The following ITGBL1 variants were observed in gnomAD, a reference collection of about 807,000 sequenced individuals.
ITGBL1 encodes integrin beta-like protein 1.
Under a neutral mutation model 68.5 loss-of-function variants are expected in ITGBL1, and 51 were observed. That is an observed-to-expected ratio of 0.74 (90% confidence interval 0.59 to 0.94). ITGBL1 has a LOEUF of 0.94. ITGBL1 is among the 40% of genes least tolerant of loss of function. ITGBL1 has a pLI of 0.00. For missense variants in ITGBL1, 649 were observed against 647.4 expected (o/e 1.00, Z -0.03); for synonymous variants, 209 against 227.3 (o/e 0.92, Z 0.72).
At chr13:101,656,507 C>T (rs1402413088) in intron 7 of ITGBL1, among the ~76,000 whole-genome samples, 1 of 152,068 alleles carries the variant, frequency 6.6e-6, no homozygotes, top group South Asian at 2.1e-4. Context: ...AAATAAAATC[C>T]ATCTGATGAG....
intron 7 of ITGBL1, among the ~76,000 whole-genome samples, chr13:101,663,981 A>T (rs1041495458): frequency 6.6e-6 from 1 of 152,220 alleles, no homozygotes; most frequent in Admixed American, 6.6e-5. Context: ...TGTCATAATA[A>T]TCTCAAAATG....
intron 2 of ITGBL1, among the ~76,000 whole-genome samples, chr13:101,486,674 C>T (rs943054586): frequency 6.6e-6 from 1 of 152,130 alleles, no homozygotes; most frequent in Non-Finnish European, 1.5e-5. Flanking sequence ...GTCTAGACCT[C>T]TTGCAGCTTT....
At chr13:101,531,611 G>A (rs571911127) in intron 2 of ITGBL1, among the ~76,000 whole-genome samples, 1 of 124,078 alleles carries the variant, frequency 8.1e-6, no homozygotes, top group Non-Finnish European at 1.8e-5. Flanking sequence ...GTATTTTTTG[G>A]GGGGAGGGGA....
At chr13:101,535,769 C>T (rs933485457) in intron 2 of ITGBL1, among the ~76,000 whole-genome samples, 1 of 151,962 alleles carries the variant, frequency 6.6e-6, no homozygotes, top group South Asian at 2.1e-4. Context: ...AAAACTTTTG[C>T]GAAGAGTCTG....
intron 3 of ITGBL1, among the ~76,000 whole-genome samples, chr13:101,574,298 G>T (rs1297807626): frequency 6.6e-6 from 1 of 151,616 alleles, no homozygotes; most frequent in East Asian, 1.9e-4. Context: ...TTATTGCAGA[G>T]CCTGTGCTAT....
In ITGBL1 at chr13:101,583,250, T is replaced by G; in HGVS notation, c.762T>G (p.Asp254Glu). The stretch of plus-strand genomic sequence containing the variant: ...TATGTGGTGAATGTACCTGTCACGA[T>G]GTTGATCCGACTGGGGACTGGGGAG... ...TCVCGECTCH[D>E]VDPTGDWGDI... is the part of the protein sequence containing the mutation. Residue 254 changes from aspartate (D) to glutamate (E), a missense_variant, in exon 6 of 11, where the codon GAT (aspartate) becomes GAG (glutamate). Coordinates refer to ENST00000376180, the MANE Select transcript of ITGBL1 (RefSeq NM_004791.3). 1 of 1,613,798 alleles carries G rather than the reference T, an allele frequency of 6.2e-7. No homozygotes were observed. Among genetic ancestry groups the G allele is most frequent in the Non-Finnish European group, 8.5e-7 (1 of 1,179,788 alleles).
intron 8 of ITGBL1, among the ~76,000 whole-genome samples, chr13:101,693,663 T>TA (rs2033935176): frequency 6.7e-6 from 1 of 149,220 alleles, no homozygotes; most frequent in African/African-American, 2.5e-5. Context: ...TCTATCTATC[T>TA]ATCATCTATT....
At chr13:101,699,289 C>T (rs904494229) in intron 8 of ITGBL1, among the ~76,000 whole-genome samples, 2 of 152,146 alleles carry the variant, frequency 1.3e-5, no homozygotes, top group South Asian at 4.2e-4. Flanking sequence ...GATGGTGAGG[C>T]GACTGCCTGA....
intron 2 of ITGBL1, among the ~76,000 whole-genome samples, chr13:101,507,771 G>A (rs2049049557): frequency 6.6e-6 from 1 of 152,120 alleles, no homozygotes; most frequent in African/African-American, 2.4e-5. Flanking sequence ...AGGTCACAGA[G>A]CCATTGGAAC....
chr13:101,679,095 A>G (rs548510281), intron 7 of ITGBL1, among the ~76,000 whole-genome samples: 389 of 151,812 alleles, frequency 2.6e-3, no homozygotes, highest in African/African-American at 8.9e-3. Flanking sequence ...TTTAGTAGAC[A>G]TGCGGTTTCA....
intron 2 of ITGBL1, among the ~76,000 whole-genome samples, chr13:101,485,696 G>T (rs539940421): frequency 4.3e-4 from 66 of 152,208 alleles, no homozygotes; most frequent in African/African-American, 1.5e-3. Context: ...GGAGGCTGAG[G>T]CAGGAGAATG....
chr13:101,639,387 TAC>T (rs2032287788), intron 7 of ITGBL1, among the ~76,000 whole-genome samples: 1 of 152,200 alleles, frequency 6.6e-6, no homozygotes, highest in Admixed American at 6.5e-5. Flanking sequence ...GAATTGAAGA[TAC>T]ACATATCTAA....
intron 7 of ITGBL1, among the ~76,000 whole-genome samples, chr13:101,609,903 CAAAT>C (rs2031043671): frequency 6.6e-6 from 1 of 151,956 alleles, no homozygotes; most frequent in Non-Finnish European, 1.5e-5. Flanking sequence ...GGAATTGATC[CAAAT>C]AAATAGACAA....
intron 7 of ITGBL1, among the ~76,000 whole-genome samples, chr13:101,647,538 C>T (rs924920648): frequency 1.3e-5 from 2 of 152,178 alleles, no homozygotes; most frequent in Admixed American, 6.5e-5. Flanking sequence ...GCAGCCAGTG[C>T]TTGAGAAACC....
At position 101,650,621 on chromosome 13, in the gene ITGBL1, T is replaced by C. The variant is rs1184800583; in HGVS notation, c.1016-41964T>C. Among the ~76,000 whole-genome samples, 7 of 99,066 alleles carry C rather than the reference T, an allele frequency of 7.1e-5. No individual in the cohort carries two copies. The East Asian group carries it at 2.1e-3, about 30-fold the overall frequency. 65.0% of individuals were successfully genotyped at this position (99,066 alleles called of 152,430 possible). The stretch of plus-strand genomic sequence containing the variant: ...CTGGCCAGGTGACTTCTTTTTTTTC[T>C]TTTTTTTTTTTTTTAGTCAACTTTT... On this transcript the variant is annotated intron_variant, in intron 7 of 10. Transcript: ENST00000376180.
At chr13:101,620,078 A>T (rs2031524176) in intron 7 of ITGBL1, among the ~76,000 whole-genome samples, 1 of 152,064 alleles carries the variant, frequency 6.6e-6, no homozygotes, top group African/African-American at 2.4e-5. Flanking sequence ...CGTTTAATCA[A>T]TTTTTCTATT....
At chr13:101,697,410 TG>T (rs1458554400) in intron 8 of ITGBL1, among the ~76,000 whole-genome samples, 1 of 152,222 alleles carries the variant, frequency 6.6e-6, no homozygotes, top group African/African-American at 2.4e-5. Context: ...TTTGATATTT[TG>T]TCTAGAGAAA....
chr13:101,487,469 A>G (rs569295875), intron 2 of ITGBL1, among the ~76,000 whole-genome samples: 1 of 152,334 alleles, frequency 6.6e-6, no homozygotes, highest in African/African-American at 2.4e-5. Flanking sequence ...GGTAGCGAAA[A>G]TTTAGCTGAA....
At chr13:101,570,201 G>C (rs2050250152) in intron 3 of ITGBL1, among the ~76,000 whole-genome samples, 1 of 152,048 alleles carries the variant, frequency 6.6e-6, no homozygotes, top group Non-Finnish European at 1.5e-5. Flanking sequence ...TCATTGATTT[G>C]TTATTCATTT....
Sources: allele counts gnomAD v4.1 joint callset (sites outside exome capture counted in the v4.1 genomes callset), GRCh38; gene constraint gnomAD v4.1.1; transcripts MANE v1.5; gene names NCBI Gene and HGNC (gene_info 2026-07-23, HGNC 2026-07-21).